FANCL: variants seen among roughly 807,000 people sequenced by gnomAD.
FANCL encodes E3 ubiquitin-protein ligase FANCL.
FANCL carries 69 observed loss-of-function variants against 59.4 expected under a neutral mutation model. The ratio of observed to expected loss-of-function variants is 1.16; its 90% CI spans 0.96 to 1.42. The LOEUF (loss-of-function observed/expected upper bound fraction) is 1.42, where lower values mean the gene tolerates loss of function less well. Among genes scored for constraint, FANCL ranks in the 40% most tolerant of loss-of-function variants. FANCL has a pLI of 0.00. For missense variants in FANCL, 519 were observed against 447.2 expected, an observed-to-expected ratio of 1.16 and a Z score of -1.45; for synonymous variants, 180 against 147.1, an observed-to-expected ratio of 1.22 and a Z score of -1.62.
Position 58,227,936 on chromosome 2 carries a change from A to G in FANCL, c.217-1152T>C, listed in dbSNP as rs534842698. ...GAGGAGGAGGAGGAGGAAGAGAAAA[A>G]AAAAGAGAAAGAAGAGGTATAGGAG... On this transcript the variant is annotated intron_variant, in intron 3 of 13. Transcript: ENST00000233741. 3.2e-4 allele frequency among the ~76,000 whole-genome samples: 49 copies of G among 152,336 alleles called. No homozygotes were observed. In the South Asian group the frequency reaches 9.5e-3, roughly 30 times the overall value.
chr2:58,165,893 T>C lies in FANCL; in HGVS notation c.541-19A>G. On this transcript the variant is annotated intron_variant, in intron 7 of 13. Coordinates refer to ENST00000233741, the MANE Select transcript of FANCL (RefSeq NM_018062.4). ...AGGAGCTCTGTGAAAAAAATGAAAG[T>C]TGAATAAGTTATATGGTACTCTACC... 1 of 1,611,856 alleles carries C rather than the reference T, an allele frequency of 6.2e-7. No homozygotes were observed. The highest frequency in any genetic ancestry group is 8.5e-7 in the Non-Finnish European group (1 of 1,178,098).
chr2:58,241,151 C>A (rs1003562507), intron 1 of FANCL, 67 bp downstream of exon 1: 22 of 1,561,052 alleles, frequency 1.4e-5, no homozygotes, highest in East Asian at 2.2e-5. Context: ...TAGCCCGTCA[C>A]AGACTTCTCC....
intron 7 of FANCL, among the ~76,000 whole-genome samples, chr2:58,196,202 G>A (rs747214106): frequency 5.9e-5 from 9 of 152,136 alleles, no homozygotes; most frequent in Middle Eastern, 6.8e-3. Context: ...CCAATTTTGG[G>A]TAAACAGTTA....
In FANCL at chr2:58,204,209, G is replaced by A. The variant is rs371154063; in HGVS notation, c.392C>T (p.Thr131Ile). The A allele has an allele frequency of 5.0e-6, 8 of 1,612,914 alleles. No homozygotes were observed. The African/African-American group carries it at 5.3e-5, about 11-fold the overall frequency. Reference protein sequence around the residue: ...LGWDKLVYADTCFSTIKLKAE... With the variant: ...LGWDKLVYADICFSTIKLKAE... ...TTTTAACTTGATGGTACTGAAGCAG[G>A]TATCCGCATACACAAGTCTGGTGAG... The change falls in exon 6 of 14, where the codon ACC becomes ATC. Residue 131 changes from threonine to isoleucine, a missense_variant. By Grantham distance (89) the Thr-to-Ile change is moderately conservative. Transcript: ENST00000233741.
intron 7 of FANCL, among the ~76,000 whole-genome samples, chr2:58,168,590 G>A (rs560794512): frequency 6.6e-6 from 1 of 151,904 alleles, no homozygotes; most frequent in Non-Finnish European, 1.5e-5. Flanking sequence ...TGCAACACCA[G>A]CAAGACAAAA....
At chr2:58,186,325 C>A (rs1367032289) in intron 7 of FANCL, among the ~76,000 whole-genome samples, 2 of 151,976 alleles carry the variant, frequency 1.3e-5, no homozygotes, top group Non-Finnish European at 2.9e-5. Flanking sequence ...ATATTTGGAC[C>A]CTTGTCCTAC....
At chr2:58,236,629 T>C (rs756060574) in intron 1 of FANCL, among the ~76,000 whole-genome samples, 4 of 151,978 alleles carry the variant, frequency 2.6e-5, no homozygotes, top group Non-Finnish European at 4.4e-5. Flanking sequence ...AATCCAACCA[T>C]ATGAATAACC....
At chr2:58,177,740 C>A (rs540790086) in intron 7 of FANCL, among the ~76,000 whole-genome samples, 1 of 150,416 alleles carries the variant, frequency 6.6e-6, no homozygotes, top group East Asian at 2.0e-4. Flanking sequence ...ATGTAAGTAA[C>A]CTGCACATTG....
intron 5 of FANCL, among the ~76,000 whole-genome samples, chr2:58,218,484 T>A (rs956166573): frequency 3.9e-5 from 6 of 151,976 alleles, no homozygotes; most frequent in African/African-American, 7.3e-5. Context: ...AATCATTTTT[T>A]AAAATGAACG....
intron 5 of FANCL, among the ~76,000 whole-genome samples, chr2:58,211,205 G>A (rs1573726835): frequency 6.6e-6 from 1 of 152,170 alleles, no homozygotes; most frequent in African/African-American, 2.4e-5. Context: ...TGAAATCTAG[G>A]CGGAGGTTCT....
chr2:58,195,427 A>G (rs1573660185), intron 7 of FANCL, among the ~76,000 whole-genome samples: 1 of 152,196 alleles, frequency 6.6e-6, no homozygotes, highest in Non-Finnish European at 1.5e-5. Context: ...TTCAAATTGT[A>G]TAAGCATATA....
At chr2:58,172,444 G>C (rs1686749103) in intron 7 of FANCL, among the ~76,000 whole-genome samples, 1 of 152,178 alleles carries the variant, frequency 6.6e-6, no homozygotes, top group Admixed American at 6.5e-5. Context: ...CGTGGTTCAA[G>C]AAAATCTGCT....
At chr2:58,193,860 A>ATATATATG (rs1689172865) in intron 7 of FANCL, among the ~76,000 whole-genome samples, 1 of 152,168 alleles carries the variant, frequency 6.6e-6, no homozygotes. Flanking sequence ...TATACAGTAC[A>ATATATATG]TACGAACTGA....
intron 7 of FANCL, among the ~76,000 whole-genome samples, chr2:58,172,359 G>C (rs902880423): frequency 1.3e-5 from 2 of 152,188 alleles, no homozygotes; most frequent in Non-Finnish European, 2.9e-5. Flanking sequence ...GCCCAGTAGG[G>C]GCAGACTGAC....
rs1242258981 is a variant in FANCL at position 58,163,505 on chromosome 2, G to T, written c.704C>A (p.Ser235Tyr). Residue 235 changes from serine (S) to tyrosine (Y), a missense_variant, in exon 9 of 14, where the codon TCC (serine) becomes TAC (tyrosine). Coordinates refer to ENST00000233741, the MANE Select transcript of FANCL (RefSeq NM_018062.4). ...ARRIALGNNV[S>Y]INIEVDPRHP... ...CCTGGGGTCTACCTCTATATTTATG[G>T]AAACATTATTACCTAGAATGAAACA... 3.8e-6 allele frequency: 6 copies of T among 1,596,280 alleles called. No homozygotes were observed. Among genetic ancestry groups the T allele is most frequent in the Non-Finnish European group, 5.2e-6 (6 of 1,164,358 alleles).
At chr2:58,218,424 C>G (rs1267079831) in intron 5 of FANCL, among the ~76,000 whole-genome samples, 1 of 151,448 alleles carries the variant, frequency 6.6e-6, no homozygotes, top group African/African-American at 2.4e-5. Flanking sequence ...ATTAAAAAGG[C>G]ACAAAAAACT....
chr2:58,159,487 A>G lies in FANCL; in HGVS notation c.*278T>C. The G allele has an allele frequency of 6.2e-7, 1 of 1,613,736 alleles. No individual in the cohort carries two copies. On this transcript the variant is annotated 3_prime_UTR_variant, in exon 14 of 14. Transcript: ENST00000233741. ...TCATCAAGATTTTACCAGTCCAGAT[A>G]TATTCAAGAAGTCAAGATCTCCATC...
At chr2:58,217,180 A>ATTTATATATTT (rs1558806442) in intron 5 of FANCL, among the ~76,000 whole-genome samples, 13 of 8,006 alleles carry the variant, frequency 1.6e-3, no homozygotes, top group African/African-American at 5.8e-3. Flanking sequence ...ATATATATAT[A>ATTTATATATTT]TATATATATA....
At position 58,196,768 on chromosome 2, in the gene FANCL, A is replaced by G. The variant is rs566609377; in HGVS notation, c.540+1826T>C. 2.0e-5 allele frequency among the ~76,000 whole-genome samples: 3 copies of G among 152,036 alleles called. No individual in the cohort carries two copies. In the South Asian group the frequency reaches 6.2e-4, roughly 32 times the overall value. On this transcript the variant is annotated intron_variant, in intron 7 of 13. Transcript: ENST00000233741. ...ACTTCTAGAATTATCTACATCTAAA[A>G]CACAAAGAAACTCATAAACAGTGTA... is the stretch of plus-strand genomic sequence containing the variant.
Sources: gnomAD v4.1 joint callset for allele counts (sites outside exome capture counted in the v4.1 genomes callset) on GRCh38, gnomAD v4.1.1 for gene constraint, MANE v1.5 for transcripts, NCBI Gene and HGNC (gene_info 2026-07-23, HGNC 2026-07-21) for gene names.